Variants in FAM118B observed in about 807,000 individuals in gnomAD.
FAM118B encodes the protein protein FAM118B.
FAM118B carries 24 observed loss-of-function variants against 38.5 expected under a neutral mutation model. The ratio of observed to expected loss-of-function variants is 0.62; its 90% CI spans 0.45 to 0.88. FAM118B has a LOEUF of 0.88. Among genes scored for constraint, FAM118B ranks in the 40% least tolerant of loss-of-function variants. The pLI is 0.00. For synonymous variants in FAM118B, 138 were observed against 156.3 expected, an observed-to-expected ratio of 0.88 and a Z score of 0.87; for missense variants, 334 against 420.0, an observed-to-expected ratio of 0.80 and a Z score of 1.79.
Position 126,244,240 on chromosome 11 carries a change from C to T in FAM118B, c.339+3196C>T, listed in dbSNP as rs1365777426. Reference sequence around the variant, plus strand: ...CCAACATGGTGCTGGATGTTCTAGACCGGGCAGTTAAGCAAGAAAACTAAA... The same window carrying T: ...CCAACATGGTGCTGGATGTTCTAGATCGGGCAGTTAAGCAAGAAAACTAAA... On this transcript the variant is annotated intron_variant, in intron 4 of 8. Transcript: ENST00000533050. The surrounding 1 kb of genome is among the most constrained non-coding windows in gnomAD (Gnocchi z 4.5). Among the ~76,000 whole-genome samples the T allele has an allele frequency of 6.6e-6, 1 of 152,104 alleles. No homozygotes were observed. The highest frequency in any genetic ancestry group is 2.4e-5 in the African/African-American group (1 of 41,416).
In FAM118B at chr11:126,262,265, G is replaced by C. The variant is rs903918412; in HGVS notation, c.*132G>C. On this transcript the variant is annotated 3_prime_UTR_variant, in exon 9 of 9. Coordinates refer to ENST00000533050, the MANE Select transcript of FAM118B (RefSeq NM_024556.4). ...CAATAGCCAGAGGTTGAAGGGCGGG[G>C]TAGAAGAGGGGGGAATGTTGCAGCG... The C allele has an allele frequency of 3.6e-5, 30 of 842,380 alleles. No individual in the cohort carries two copies. The highest frequency in any genetic ancestry group is 5.5e-5 in the Non-Finnish European group (29 of 524,582). 52.2% of individuals were successfully genotyped at this position (842,380 alleles called of 1,614,324 possible).
chr11:126,213,776 C>G (rs1256550805), intron 1 of FAM118B, among the ~76,000 whole-genome samples: 1 of 152,174 alleles, frequency 6.6e-6, no homozygotes, highest in East Asian at 1.9e-4. Flanking sequence ...ACTCAAATGT[C>G]ATTGCTAGTG....
Position 126,250,488 on chromosome 11 carries a change from T to G in FAM118B, c.340-18T>G. The G allele has an allele frequency of 1.9e-6, 3 of 1,589,284 alleles. No individual in the cohort carries two copies. The highest frequency in any genetic ancestry group is 2.6e-6 in the Non-Finnish European group (3 of 1,159,498). On this transcript the variant is annotated intron_variant, in intron 4 of 8. Coordinates refer to ENST00000533050, the MANE Select transcript of FAM118B (RefSeq NM_024556.4). This position sits in a 1 kb window ranked among gnomAD's most constrained non-coding sequence, Gnocchi z 5.1. ...AAAGCACTTTGGACTAATTTTCTTTTTTCAAATCCCTCCTCAGCGTACCAG... is the reference window on the plus strand; with the variant it reads ...AAAGCACTTTGGACTAATTTTCTTTGTTCAAATCCCTCCTCAGCGTACCAG...
intron 1 of FAM118B, among the ~76,000 whole-genome samples, chr11:126,224,508 G>T (rs1160834770): frequency 2.0e-5 from 3 of 146,490 alleles, no homozygotes; most frequent in Non-Finnish European, 3.0e-5. Flanking sequence ...AAAAAAATTA[G>T]TAGAGTCATA....
chr11:126,228,943 C>T (rs930687207), intron 1 of FAM118B, among the ~76,000 whole-genome samples: 1 of 152,268 alleles, frequency 6.6e-6, no homozygotes, highest in Non-Finnish European at 1.5e-5. Flanking sequence ...TGCATTTGTA[C>T]GCAGTATGTT....
chr11:126,250,852 C>T lies in FAM118B; in HGVS notation c.567+119C>T. The T allele has an allele frequency of 1.4e-6, 1 of 711,944 alleles. No homozygotes were observed. The highest frequency in any genetic ancestry group is 2.3e-6 in the Non-Finnish European group (1 of 438,294). The allele number at this position is 711,944 out of a possible 1,614,324, so 44.1% of individuals were successfully genotyped here. A position where few individuals can be genotyped will look rare whatever the true frequency, so the allele number is the denominator to read the frequency against. ...GAGCTAGAAAGGAAAAATTTTTTCCCTGGTTGGAGTTTTTGTTTTTCTTTT... is the reference window on the plus strand; with the variant it reads ...GAGCTAGAAAGGAAAAATTTTTTCCTTGGTTGGAGTTTTTGTTTTTCTTTT... On this transcript the variant is annotated intron_variant, in intron 5 of 8. Coordinates refer to ENST00000533050, the MANE Select transcript of FAM118B (RefSeq NM_024556.4). This position sits in a 1 kb window ranked among gnomAD's most constrained non-coding sequence, Gnocchi z 5.1.
chr11:126,256,006 C>G lies in FAM118B; in HGVS notation c.697-561C>G, dbSNP rs1174854072. ...AAACTACTGGCCAAGTGCAGTGGCT[C>G]ACGCCTGTAATCCCAGCACTTTGGG... On this transcript the variant is annotated intron_variant, in intron 6 of 8. Coordinates refer to ENST00000533050, the MANE Select transcript of FAM118B (RefSeq NM_024556.4). This position sits in a 1 kb window ranked among gnomAD's most constrained non-coding sequence, Gnocchi z 6.6. Among the ~76,000 whole-genome samples the G allele has an allele frequency of 6.6e-6, 1 of 151,582 alleles. No homozygotes were observed. Among genetic ancestry groups the G allele is most frequent in the Non-Finnish European group, 1.5e-5 (1 of 67,934 alleles).
chr11:126,227,525 A>G (rs940425383), intron 1 of FAM118B, among the ~76,000 whole-genome samples: 10 of 152,230 alleles, frequency 6.6e-5, no homozygotes, highest in African/African-American at 2.4e-4. Context: ...GTAATGATGA[A>G]TGAATGAAGT....
chr11:126,246,066 A>AT (rs1950416004), intron 4 of FAM118B, among the ~76,000 whole-genome samples: 1 of 152,090 alleles, frequency 6.6e-6, no homozygotes, highest in Non-Finnish European at 1.5e-5. Flanking sequence ...TGTAGATCAT[A>AT]TTTGACAAAA....
chr11:126,225,324 T>C (rs1950126626), intron 1 of FAM118B, among the ~76,000 whole-genome samples: 1 of 152,216 alleles, frequency 6.6e-6, no homozygotes. Context: ...TTTCCAATCT[T>C]AAATTTGGCA....
intron 5 of FAM118B, among the ~76,000 whole-genome samples, chr11:126,251,051 T>C (rs1278745502): frequency 2.0e-5 from 3 of 152,252 alleles, no homozygotes; most frequent in African/African-American, 7.2e-5. Flanking sequence ...ATATTGATAA[T>C]GCTGGTTCTA....
At chr11:126,254,489 A>C in intron 6 of FAM118B, 56 bp downstream of exon 6, 1 of 1,602,792 alleles carries the variant, frequency 6.2e-7, no homozygotes, top group Non-Finnish European at 8.5e-7. Context: ...AATCTCTCTA[A>C]ATATGCCATA....
intron 4 of FAM118B, among the ~76,000 whole-genome samples, chr11:126,241,991 C>T (rs1468523199): frequency 7.1e-6 from 1 of 141,656 alleles, no homozygotes; most frequent in Non-Finnish European, 1.5e-5. Context: ...CGCCACTGCA[C>T]TCCAGCCTGG....
rs971886133 is a variant in FAM118B at position 126,250,337 on chromosome 11, C to T, written c.340-169C>T. On this transcript the variant is annotated intron_variant, in intron 4 of 8. Transcript: ENST00000533050. The surrounding 1 kb of genome is among the most constrained non-coding windows in gnomAD (Gnocchi z 5.1). ...CGATCTCCTGACCTCGTGATCCGCC[C>T]GCCTCGGTCTCCCAAAGTGCTGGGA... Among the ~76,000 whole-genome samples, 2 of 152,132 alleles carry T rather than the reference C, an allele frequency of 1.3e-5. No homozygotes were observed. The highest frequency in any genetic ancestry group is 4.8e-5 in the African/African-American group (2 of 41,434).
chr11:126,248,707 A>G (rs1950455201), intron 4 of FAM118B, among the ~76,000 whole-genome samples: 1 of 152,094 alleles, frequency 6.6e-6, no homozygotes, highest in African/African-American at 2.4e-5. Context: ...TAGGATAACA[A>G]ATCTACTCCT....
At chr11:126,226,547 C>T (rs950427914) in intron 1 of FAM118B, among the ~76,000 whole-genome samples, 3 of 152,214 alleles carry the variant, frequency 2.0e-5, no homozygotes, top group Non-Finnish European at 4.4e-5. Flanking sequence ...ATTTAACAGG[C>T]CTTTTCTCTC....
At chr11:126,211,732 G>A, upstream of FAM118B, 4 of 1,429,346 alleles carry the variant, frequency 2.8e-6, no homozygotes, top group Non-Finnish European at 3.8e-6. Context: ...ACGTGGTGCG[G>A]GGTGGGGCCT....
At chr11:126,219,706 A>G (rs1950037902) in intron 1 of FAM118B, among the ~76,000 whole-genome samples, 1 of 152,164 alleles carries the variant, frequency 6.6e-6, no homozygotes, top group Middle Eastern at 3.4e-3. Context: ...AGTCTCGTCC[A>G]TGGGGCTGGG....
chr11:126,237,431 T>TTTCA (rs1950291279), intron 3 of FAM118B, among the ~76,000 whole-genome samples: 1 of 145,512 alleles, frequency 6.9e-6, no homozygotes, highest in Non-Finnish European at 1.5e-5. Flanking sequence ...AAAGACAGGT[T>TTTCA]TTCACCATGT....
Sources: gnomAD v4.1 joint callset for allele counts (sites outside exome capture counted in the v4.1 genomes callset) on GRCh38, gnomAD v4.1.1 for gene constraint, Gnocchi (gnomAD v3.1) non-coding constraint, MANE v1.5 for transcripts, NCBI Gene and HGNC (gene_info 2026-07-23, HGNC 2026-07-21) for gene names.